TENM3: variants seen among roughly 807,000 people sequenced by gnomAD.
TENM3 encodes the protein teneurin transmembrane protein 3.
Under a neutral mutation model 255.1 loss-of-function variants are expected in TENM3, and 63 were observed. That is an observed-to-expected ratio of 0.25 (90% confidence interval 0.20 to 0.30). TENM3 has a LOEUF of 0.30. Among genes scored for constraint, TENM3 ranks in the 10% least tolerant of loss-of-function variants. The pLI is 1.00. For missense variants in TENM3, 2,929 were observed against 3,461.1 expected, an observed-to-expected ratio of 0.85 and a Z score of 3.86; for synonymous variants, 1,306 against 1,322.3, an observed-to-expected ratio of 0.99 and a Z score of 0.27.
chr4:181,503,265 C>G, the TENM3 span, among the ~76,000 whole-genome samples: 1 of 152,086 alleles, frequency 6.6e-6, no homozygotes, highest in African/African-American at 2.4e-5. Context: ...ACTCAGGAGG[C>G]TGAGGTGGAA....
intron 3 of TENM3, among the ~76,000 whole-genome samples, chr4:182,426,766 A>T (rs1016234449): frequency 5.9e-5 from 9 of 152,266 alleles, no homozygotes; most frequent in African/African-American, 1.4e-4. Context: ...ATTTGATGTG[A>T]TTCTGAACCT....
intron 1 of TENM3, among the ~76,000 whole-genome samples, chr4:182,292,981 C>T (rs571461515): frequency 5.9e-5 from 9 of 152,246 alleles, no homozygotes; most frequent in East Asian, 3.9e-4. Context: ...GGCATGGTGC[C>T]GTCTGGGAGC....
intron 1 of TENM3, among the ~76,000 whole-genome samples, chr4:182,201,141 A>G (rs926155382): frequency 1.3e-5 from 2 of 152,126 alleles, no homozygotes; most frequent in African/African-American, 2.4e-5. Context: ...TCCTTTTTTA[A>G]TTAAAGAAGA....
the TENM3 span, among the ~76,000 whole-genome samples, chr4:181,666,556 A>G: frequency 1.3e-5 from 2 of 152,186 alleles, no homozygotes; most frequent in Non-Finnish European, 2.9e-5. Context: ...CAACTCTATA[A>G]CTAGAAATTC....
At chr4:181,933,616 G>A in the TENM3 span, among the ~76,000 whole-genome samples, 1 of 152,156 alleles carries the variant, frequency 6.6e-6, no homozygotes, top group East Asian at 1.9e-4. Flanking sequence ...TTCCATTAGT[G>A]GGTGTCACTG....
chr4:181,642,653 C>A, the TENM3 span, among the ~76,000 whole-genome samples: 2 of 151,762 alleles, frequency 1.3e-5, no homozygotes, highest in African/African-American at 4.8e-5. Context: ...TTGAGTTAAT[C>A]CATTTTGAGT....
At position 182,800,273 on chromosome 4, in the gene TENM3, G is replaced by C; in HGVS notation, c.8022G>C (p.Ser2674=). ...VQGYDGYYVL[S]VEQYPELADS... is the part of the protein sequence containing the mutation. Reference sequence around the variant, plus strand: ...GCTACGACGGGTACTACGTACTCTCGGTGGAGCAGTACCCCGAGCTGGCCG... The same window carrying C: ...GCTACGACGGGTACTACGTACTCTCCGTGGAGCAGTACCCCGAGCTGGCCG... Residue 2674 remains serine, a synonymous_variant, in exon 28 of 28, where the codon TCG becomes TCC. Transcript: ENST00000511685. 6.3e-7 allele frequency: 1 copy of C among 1,594,210 alleles called. No individual in the cohort carries two copies. Among genetic ancestry groups the C allele is most frequent in the Non-Finnish European group, 8.5e-7 (1 of 1,178,408 alleles).
intron 1 of TENM3, among the ~76,000 whole-genome samples, chr4:182,220,158 C>T (rs1254574789): frequency 6.6e-6 from 1 of 152,050 alleles, no homozygotes; most frequent in African/African-American, 2.4e-5. Context: ...GGGCGGATCA[C>T]CTGAGGTCAG....
At chr4:181,926,418 G>T in the TENM3 span, among the ~76,000 whole-genome samples, 1 of 152,116 alleles carries the variant, frequency 6.6e-6, no homozygotes, top group Non-Finnish European at 1.5e-5. Flanking sequence ...GTAGGGTGGG[G>T]ATATGTCCAG....
chr4:182,780,998 G>A (rs1765120132), intron 24 of TENM3, among the ~76,000 whole-genome samples: 1 of 151,212 alleles, frequency 6.6e-6, no homozygotes, highest in South Asian at 2.1e-4. Flanking sequence ...CATGTCGTCT[G>A]CAAACAGGGA....
At chr4:181,748,432 G>A in the TENM3 span, among the ~76,000 whole-genome samples, 1 of 151,930 alleles carries the variant, frequency 6.6e-6, no homozygotes, top group Non-Finnish European at 1.5e-5. Flanking sequence ...ATAGAACATA[G>A]AAAAGAAAAT....
chr4:182,702,743 T>C (rs1159887998), intron 12 of TENM3, among the ~76,000 whole-genome samples: 1 of 151,794 alleles, frequency 6.6e-6, no homozygotes, highest in Admixed American at 6.6e-5. Flanking sequence ...CTTTTTTTTT[T>C]TTTTCTTTTT....
intron 22 of TENM3, among the ~76,000 whole-genome samples, chr4:182,769,610 C>T (rs900040930): frequency 8.6e-5 from 13 of 151,336 alleles, no homozygotes; most frequent in Admixed American, 2.6e-4. Context: ...GGTGAAACCC[C>T]GTCTCTACTA....
chr4:182,574,570 T>A (rs570499668), intron 3 of TENM3, among the ~76,000 whole-genome samples: 1 of 152,314 alleles, frequency 6.6e-6, no homozygotes, highest in South Asian at 2.1e-4. Flanking sequence ...TATTATGTAT[T>A]TTAACTAAAA....
the TENM3 span, among the ~76,000 whole-genome samples, chr4:182,009,584 G>C: frequency 2.0e-5 from 3 of 152,276 alleles, no homozygotes; most frequent in African/African-American, 7.2e-5. Context: ...GGCTCCAGCA[G>C]GGGAAAAGCG....
At chr4:182,336,361 G>C (rs1445294911) in intron 2 of TENM3, among the ~76,000 whole-genome samples, 1 of 149,812 alleles carries the variant, frequency 6.7e-6, no homozygotes, top group Non-Finnish European at 1.5e-5. Flanking sequence ...AAAAAAAAAA[G>C]CAATTCATGA....
At chr4:182,319,104 T>G (rs1762904608) in intron 1 of TENM3, among the ~76,000 whole-genome samples, 1 of 152,206 alleles carries the variant, frequency 6.6e-6, no homozygotes, top group African/African-American at 2.4e-5. Context: ...TTTTGTTTTT[T>G]GTTTTTTGTC....
At chr4:182,466,011 CAA>C (rs1446182483) in intron 3 of TENM3, among the ~76,000 whole-genome samples, 3 of 151,970 alleles carry the variant, frequency 2.0e-5, no homozygotes, top group Admixed American at 6.6e-5. Context: ...AGGCTGAAAC[CAA>C]AGTACGTTAT....
the TENM3 span, among the ~76,000 whole-genome samples, chr4:181,969,112 T>A: frequency 2.0e-5 from 3 of 152,154 alleles, no homozygotes; most frequent in Non-Finnish European, 4.4e-5. Context: ...CTTGTTAATT[T>A]TTAAGCTTCA....
Sources: allele counts gnomAD v4.1 joint callset (sites outside exome capture counted in the v4.1 genomes callset), GRCh38; gene constraint gnomAD v4.1.1; transcripts MANE v1.5; gene names NCBI Gene and HGNC (gene_info 2026-07-23, HGNC 2026-07-21).